ST6GALNAC3: variants seen among roughly 807,000 people sequenced by gnomAD.
The protein encoded by ST6GALNAC3 is alpha-N-acetylgalactosaminide alpha-2,6-sialyltransferase 3.
Under a neutral mutation model 32.7 loss-of-function variants are expected in ST6GALNAC3, and 25 were observed. The ratio of observed to expected loss-of-function variants is 0.76; its 90% CI spans 0.56 to 1.07. The LOEUF (loss-of-function observed/expected upper bound fraction) is 1.07. Among genes scored for constraint, ST6GALNAC3 ranks in the 50% least tolerant of loss-of-function variants. The pLI is 0.00. For synonymous variants in ST6GALNAC3, 129 were observed against 133.1 expected, an observed-to-expected ratio of 0.97 and a Z score of 0.21; for missense variants, 355 against 382.4, an observed-to-expected ratio of 0.93 and a Z score of 0.60.
At chr1:76,365,533 CTTTTG>C (rs947271374) in intron 2 of ST6GALNAC3, among the ~76,000 whole-genome samples, 6 of 152,096 alleles carry the variant, frequency 3.9e-5, no homozygotes, top group African/African-American at 1.4e-4. Context: ...AAAGCTATTA[CTTTTG>C]TTTTAACACT....
chr1:76,402,986 A>C (rs1653546060), intron 2 of ST6GALNAC3, among the ~76,000 whole-genome samples: 1 of 151,946 alleles, frequency 6.6e-6, no homozygotes, highest in Non-Finnish European at 1.5e-5. Context: ...CATCTTTACC[A>C]ACCTCCTCCT....
intron 1 of ST6GALNAC3, among the ~76,000 whole-genome samples, chr1:76,233,293 G>A (rs1229451865): frequency 2.0e-5 from 3 of 152,140 alleles, no homozygotes; most frequent in African/African-American, 7.2e-5. Context: ...GATTGCAAAG[G>A]TTCACTTGCA....
At chr1:76,279,652 C>T (rs1477825722) in intron 1 of ST6GALNAC3, among the ~76,000 whole-genome samples, 1 of 152,138 alleles carries the variant, frequency 6.6e-6, no homozygotes, top group Non-Finnish European at 1.5e-5. Context: ...TCGTGTCTGC[C>T]GGCAGCTGCC....
intron 3 of ST6GALNAC3, among the ~76,000 whole-genome samples, chr1:76,437,484 A>T (rs968637150): frequency 2.0e-5 from 3 of 152,010 alleles, no homozygotes; most frequent in African/African-American, 7.2e-5. Context: ...TAATAAATGT[A>T]ACATTCGTTG....
intron 1 of ST6GALNAC3, among the ~76,000 whole-genome samples, chr1:76,177,878 C>T (rs1652946744): frequency 1.3e-5 from 2 of 152,114 alleles, no homozygotes; most frequent in Non-Finnish European, 1.5e-5. Flanking sequence ...AGTGACGGGG[C>T]CATTTTCTCA....
intron 1 of ST6GALNAC3, among the ~76,000 whole-genome samples, chr1:76,273,972 C>T (rs1044054230): frequency 6.6e-6 from 1 of 152,092 alleles, no homozygotes; most frequent in Admixed American, 6.5e-5. Flanking sequence ...AGGTGAGAGT[C>T]CCATTTATCA....
chr1:76,532,302 G>A (rs1002638680), intron 3 of ST6GALNAC3, among the ~76,000 whole-genome samples: 1 of 152,122 alleles, frequency 6.6e-6, no homozygotes, highest in Non-Finnish European at 1.5e-5. Context: ...AACAAATCAC[G>A]TCCACCATGT....
intron 1 of ST6GALNAC3, among the ~76,000 whole-genome samples, chr1:76,172,009 A>C (rs1250820379): frequency 6.6e-6 from 1 of 152,172 alleles, no homozygotes; most frequent in East Asian, 1.9e-4. Context: ...TCCTGATACC[A>C]AAACTGGGAA....
At chr1:76,099,544 C>T (rs1381460867) in intron 1 of ST6GALNAC3, among the ~76,000 whole-genome samples, 2 of 151,238 alleles carry the variant, frequency 1.3e-5, no homozygotes, top group Non-Finnish European at 2.9e-5. Context: ...ATCTCCAAAA[C>T]ATTACATTAA....
At chr1:76,284,025 G>A (rs1659643557) in intron 1 of ST6GALNAC3, among the ~76,000 whole-genome samples, 1 of 83,020 alleles carries the variant, frequency 1.2e-5, no homozygotes, top group Non-Finnish European at 2.6e-5. Flanking sequence ...TGTTGGGATT[G>A]GATCAAACCA....
intron 1 of ST6GALNAC3, among the ~76,000 whole-genome samples, chr1:76,283,273 C>T (rs945129726): frequency 2.0e-5 from 3 of 152,044 alleles, no homozygotes; most frequent in Non-Finnish European, 2.9e-5. Flanking sequence ...AAAGAAGAAA[C>T]TATGTTTTCT....
chr1:76,327,869 C>T (rs1363805455), intron 2 of ST6GALNAC3, among the ~76,000 whole-genome samples: 1 of 152,130 alleles, frequency 6.6e-6, no homozygotes, highest in Non-Finnish European at 1.5e-5. Flanking sequence ...GGATTACAGG[C>T]GTGAACCCCC....
At chr1:76,105,582 C>T (rs1048345460) in intron 1 of ST6GALNAC3, among the ~76,000 whole-genome samples, 2 of 152,194 alleles carry the variant, frequency 1.3e-5, no homozygotes, top group Admixed American at 6.5e-5. Flanking sequence ...CACACTTCCT[C>T]CTCATTTTGC....
At chr1:76,088,077 A>T (rs1646988062) in intron 1 of ST6GALNAC3, among the ~76,000 whole-genome samples, 1 of 152,210 alleles carries the variant, frequency 6.6e-6, no homozygotes, top group Non-Finnish European at 1.5e-5. Flanking sequence ...TACTATGTGC[A>T]GTAAGGACTA....
At chr1:76,438,689 A>G (rs1449220604) in intron 3 of ST6GALNAC3, among the ~76,000 whole-genome samples, 3 of 152,010 alleles carry the variant, frequency 2.0e-5, no homozygotes, top group African/African-American at 4.8e-5. Flanking sequence ...CTATAATTCC[A>G]GTTCCCATCT....
At chr1:76,213,256 G>T (rs1655268175) in intron 1 of ST6GALNAC3, among the ~76,000 whole-genome samples, 1 of 152,148 alleles carries the variant, frequency 6.6e-6, no homozygotes. Flanking sequence ...ATGATCCTCT[G>T]CATTTTCTGA....
intron 2 of ST6GALNAC3, among the ~76,000 whole-genome samples, chr1:76,348,388 A>T (rs1399880978): frequency 6.6e-6 from 1 of 152,124 alleles, no homozygotes; most frequent in East Asian, 1.9e-4. Flanking sequence ...ATGAGAATTG[A>T]TGTGGAAAAG....
chr1:76,340,007 C>T lies in ST6GALNAC3; in HGVS notation c.213+26008C>T, dbSNP rs180832354. Among the ~76,000 whole-genome samples, 3 of 152,226 alleles carry T rather than the reference C, an allele frequency of 2.0e-5. No individual in the cohort carries two copies. In the East Asian group the frequency reaches 5.8e-4, roughly 29 times the overall value. On this transcript the variant is annotated intron_variant, in intron 2 of 4. Coordinates refer to ENST00000328299, the MANE Select transcript of ST6GALNAC3 (RefSeq NM_152996.4). ...AAATGGCAAGAATACATTCCCTGAG[C>T]TAGGAGCTTGATTCTGAGATTCAAA...
chr1:76,379,642 G>C (rs1651547316), intron 2 of ST6GALNAC3, among the ~76,000 whole-genome samples: 1 of 152,096 alleles, frequency 6.6e-6, no homozygotes, highest in African/African-American at 2.4e-5. Context: ...TCTCTTTGTG[G>C]TGTGTGGCTC....
Sources: gnomAD v4.1 joint callset for allele counts (sites outside exome capture counted in the v4.1 genomes callset) on GRCh38, gnomAD v4.1.1 for gene constraint, MANE v1.5 for transcripts, NCBI Gene and HGNC (gene_info 2026-07-23, HGNC 2026-07-21) for gene names.